Variants in IL16 observed in about 807,000 individuals in gnomAD.
The protein encoded by IL16 is pro-interleukin-16.
Under a neutral mutation model 110.1 loss-of-function variants are expected in IL16, and 67 were observed. The observed-to-expected ratio is 0.61, with a 90% CI of 0.50 to 0.75. IL16 has a LOEUF of 0.75. Ranked by LOEUF, IL16 falls within the 30% of genes least tolerant of loss-of-function variation. IL16 has a pLI of 0.00. For synonymous variants in IL16, 689 were observed against 662.9 expected, an observed-to-expected ratio of 1.04 and a Z score of -0.61; for missense variants, 1,545 against 1,655.0, an observed-to-expected ratio of 0.93 and a Z score of 1.15.
intron 2 of IL16, among the ~76,000 whole-genome samples, chr15:81,242,035 C>T (rs999418745): frequency 6.6e-6 from 1 of 151,204 alleles, no homozygotes; most frequent in African/African-American, 2.4e-5. Context: ...TGAATTCCTG[C>T]TGCATCTTTG....
Position 81,273,213 on chromosome 15 carries a change from C to G in IL16, c.790+9C>G, listed in dbSNP as rs1406795606. On this transcript the variant is annotated intron_variant, in intron 6 of 18. Transcript: ENST00000683961. ...TGGAAGGCTACAGGAAGGTAGGCTT[C>G]CCAGCCCTTTTCAGACCATGGTGGA... is the stretch of plus-strand genomic sequence containing the variant. The G allele has an allele frequency of 6.3e-7, 1 of 1,590,196 alleles. No individual in the cohort carries two copies. Among genetic ancestry groups the G allele is most frequent in the Non-Finnish European group, 8.6e-7 (1 of 1,162,538 alleles).
Position 81,292,830 on chromosome 15 carries a change from G to C in IL16, c.1695G>C (p.Glu565Asp), listed in dbSNP as rs748192888. 5 of 1,614,046 alleles carry C rather than the reference G, an allele frequency of 3.1e-6. No individual in the cohort carries two copies. The highest frequency in any genetic ancestry group is 1.7e-5 in the Admixed American group (1 of 60,018). ...TAGCATCCTCCAGGCTGCCCCAGGA[G>C]AGCCCACCCCTCCCAGAGAGCCGGG... Reference protein sequence around the residue: ...LSIASSRLPQESPPLPESRDS... With the variant: ...LSIASSRLPQDSPPLPESRDS... The change falls in exon 12 of 19, where the codon GAG (glutamate) becomes GAC (aspartate). Residue 565 changes from glutamate (E) to aspartate (D), a missense_variant. This residue lies in a region of IL16 where 1,185 missense variants were observed against 1,238.8 expected (regional missense o/e 0.96). Transcript: ENST00000683961.
intron 2 of IL16, among the ~76,000 whole-genome samples, chr15:81,235,745 A>T (rs1207683253): frequency 6.6e-6 from 1 of 152,086 alleles, no homozygotes; most frequent in African/African-American, 2.4e-5. Context: ...GCACATAATA[A>T]TGGCTCTATA....
chr15:81,259,719 CA>C (rs1898081942), intron 2 of IL16, 52 bp from the exon 3 acceptor site: 1 of 1,278,420 alleles, frequency 7.8e-7, no homozygotes, highest in Admixed American at 1.7e-5. Context: ...TTTTGCTAAG[CA>C]CAAGTTTTCT....
chr15:81,256,428 G>A lies in IL16; in HGVS notation c.313-3344G>A, dbSNP rs186249679. Among the ~76,000 whole-genome samples the A allele has an allele frequency of 3.6e-3, 536 of 149,928 alleles. 8 individuals are homozygous for A. Among genetic ancestry groups the A allele is most frequent in the African/African-American group, 0.013 (518 of 40,260 alleles). ...GGTTCACTGCAACCTCTGCCTCCCA[G>A]GTTTATGTGATTCTCCTGCCTCAGC... On this transcript the variant is annotated intron_variant, in intron 2 of 18. Transcript: ENST00000683961.
chr15:81,282,287 C>G (rs571877154), intron 8 of IL16, among the ~76,000 whole-genome samples: 2 of 152,316 alleles, frequency 1.3e-5, no homozygotes, highest in East Asian at 3.9e-4. Context: ...GGTGTCTCCT[C>G]TGAGGCCTGA....
rs928835695 is a variant in IL16, at chr15:81,253,973, G to A, written c.313-5799G>A. On this transcript the variant is annotated intron_variant, in intron 2 of 18. Coordinates refer to ENST00000683961, the MANE Select transcript of IL16 (RefSeq NM_172217.5). ...GCCTCATCATCCCACATGACATGTGGCCATCCCAGAACCAATCTGCTGGGG... is the reference window on the plus strand; with the variant it reads ...GCCTCATCATCCCACATGACATGTGACCATCCCAGAACCAATCTGCTGGGG... Among the ~76,000 whole-genome samples, 7 of 152,158 alleles carry A rather than the reference G, an allele frequency of 4.6e-5. No homozygotes were observed. In the South Asian group the frequency reaches 1.2e-3, roughly 27 times the overall value.
At chr15:81,197,571 C>G (rs1334895568) in intron 1 of IL16, among the ~76,000 whole-genome samples, 1 of 152,154 alleles carries the variant, frequency 6.6e-6, no homozygotes. Context: ...CCTGGCCAGA[C>G]TCCTTTTCTC....
At chr15:81,300,760 A>C (rs1726310242) in intron 14 of IL16, among the ~76,000 whole-genome samples, 1 of 152,144 alleles carries the variant, frequency 6.6e-6, no homozygotes, top group Non-Finnish European at 1.5e-5. Flanking sequence ...TGAATTGCTC[A>C]TGAGGGCTGA....
Position 81,197,065 on chromosome 15 carries a change from G to A in IL16, c.-189G>A, listed in dbSNP as rs1242576131. On this transcript the variant is annotated 5_prime_UTR_variant, in exon 1 of 19. Coordinates refer to ENST00000683961, the MANE Select transcript of IL16 (RefSeq NM_172217.5). ...CACAGGCTGTCCGGGAATAAGTGGTGCTGCAATCCCTGCTGGGCAGATGGA... is the reference window on the plus strand; with the variant it reads ...CACAGGCTGTCCGGGAATAAGTGGTACTGCAATCCCTGCTGGGCAGATGGA... 3.1e-6 allele frequency: 4 copies of A among 1,288,724 alleles called. No homozygotes were observed. Among genetic ancestry groups the A allele is most frequent in the South Asian group, 2.5e-5 (2 of 80,928 alleles). The allele number at this position is 1,288,724 out of a possible 1,614,324, so 79.8% of individuals were successfully genotyped here.
chr15:81,306,259 C>G, intron 17 of IL16, 93 bp downstream of exon 17: 2 of 1,535,226 alleles, frequency 1.3e-6, no homozygotes, highest in Non-Finnish European at 1.8e-6. Flanking sequence ...TAATTTGTGA[C>G]CCCAAGAATG....
At position 81,309,880 on chromosome 15, in the gene IL16, C is replaced by G. The variant is rs1330886364; in HGVS notation, c.*1082C>G. On this transcript the variant is annotated 3_prime_UTR_variant, in exon 19 of 19. Transcript: ENST00000683961. ...GCCAATGTATTGATAAGAGGGCACA[C>G]ACTGTGTACAGTAAATGGCTTATCC... 1 of 152,252 alleles carries G rather than the reference C, an allele frequency of 6.6e-6. No homozygotes were observed. The highest frequency in any genetic ancestry group is 2.4e-5 in the African/African-American group (1 of 41,458). The allele number at this position is 152,252 out of a possible 1,614,324, so 9.4% of individuals were successfully genotyped here. A position where few individuals can be genotyped will look rare whatever the true frequency, so the allele number is the denominator to read the frequency against.
At chr15:81,257,383 A>G (rs1007073338) in intron 2 of IL16, among the ~76,000 whole-genome samples, 3 of 152,230 alleles carry the variant, frequency 2.0e-5, no homozygotes, top group Admixed American at 1.3e-4. Flanking sequence ...AGAAATTTCT[A>G]TCAAAATTCA....
chr15:81,246,841 T>A (rs544164067), intron 2 of IL16, among the ~76,000 whole-genome samples: 2 of 152,192 alleles, frequency 1.3e-5, no homozygotes, highest in East Asian at 3.9e-4. Context: ...GTGGAAAGAG[T>A]TAAAACCACT....
intron 1 of IL16, among the ~76,000 whole-genome samples, chr15:81,198,925 C>T (rs918227480): frequency 8.7e-5 from 13 of 149,986 alleles, no homozygotes; most frequent in Middle Eastern, 3.4e-3. Context: ...GAGGCTGAGG[C>T]AGGAGAATTG....
chr15:81,286,782 G>A (rs972586661), intron 10 of IL16, among the ~76,000 whole-genome samples: 6 of 152,166 alleles, frequency 3.9e-5, no homozygotes, highest in Admixed American at 1.3e-4. Flanking sequence ...TTCTCCCGCT[G>A]TTGATAGACA....
At chr15:81,217,880 A>T (rs1896485489) in intron 1 of IL16, among the ~76,000 whole-genome samples, 1 of 152,180 alleles carries the variant, frequency 6.6e-6, no homozygotes, top group Non-Finnish European at 1.5e-5. Flanking sequence ...GTATTTCCTT[A>T]ATATGATAAA....
chr15:81,292,259 A>G, intron 11 of IL16: 1 of 440,604 alleles, frequency 2.3e-6, no homozygotes, highest in Non-Finnish European at 4.3e-6. Context: ...GTAGTCTGCC[A>G]GCAGCACTCC....
intron 3 of IL16, among the ~76,000 whole-genome samples, chr15:81,265,123 G>A (rs950701527): frequency 6.6e-5 from 10 of 152,188 alleles, no homozygotes; most frequent in African/African-American, 1.4e-4. Flanking sequence ...GAAGCCTGTC[G>A]CTTTGCATTT....
Sources: allele counts gnomAD v4.1 joint callset (sites outside exome capture counted in the v4.1 genomes callset), GRCh38; gene constraint gnomAD v4.1.1; regional missense constraint gnomAD v4.1.1; transcripts MANE v1.5; gene names NCBI Gene and HGNC (gene_info 2026-07-23, HGNC 2026-07-21).